The following HAPLN1 variants were observed in gnomAD, a reference collection of about 807,000 sequenced individuals.
HAPLN1 encodes hyaluronan and proteoglycan link protein 1.
A neutral mutation model predicts 36.5 loss-of-function variants in HAPLN1; 13 were observed. That is an observed-to-expected ratio of 0.36 (90% CI 0.23 to 0.57). HAPLN1 has a LOEUF of 0.57. Among genes scored for constraint, HAPLN1 ranks in the 20% least tolerant of loss-of-function variants. The pLI is 0.83. For missense variants in HAPLN1, 407 were observed against 439.7 expected (o/e 0.93, Z 0.66); for synonymous variants, 202 against 169.8 (o/e 1.19, Z -1.48).
chr5:83,684,572 G>A (rs979750823), intron 1 of HAPLN1, among the ~76,000 whole-genome samples: 29 of 152,134 alleles, frequency 1.9e-4, no homozygotes, highest in African/African-American at 6.5e-4. Flanking sequence ...ACAAACAGGA[G>A]ATAGAGAAGA....
At chr5:83,714,314 TA>T (rs1751866429) in intron 1 of HAPLN1, among the ~76,000 whole-genome samples, 1 of 152,098 alleles carries the variant, frequency 6.6e-6, no homozygotes, top group Admixed American at 6.5e-5. Flanking sequence ...ACCAGAACAA[TA>T]GCTTACAAGA....
Position 83,685,050 on chromosome 5 carries a change from T to G in HAPLN1, c.-26-11501A>C, listed in dbSNP as rs1233776946. Among the ~76,000 whole-genome samples the G allele has an allele frequency of 3.3e-5, 5 of 152,208 alleles. No individual in the cohort carries two copies. The East Asian group carries it at 9.6e-4, about 29-fold the overall frequency. The stretch of plus-strand genomic sequence containing the variant: ...ATTCTTTAGTAAGGGCAGATTAACA[T>G]AGCTATTGTTATAAATTCAGTGATC... On this transcript the variant is annotated intron_variant, in intron 1 of 4. Transcript: ENST00000274341.
intron 2 of HAPLN1, among the ~76,000 whole-genome samples, chr5:83,654,794 A>T (rs1274292926): frequency 6.6e-6 from 1 of 152,334 alleles, no homozygotes; most frequent in East Asian, 1.9e-4. Context: ...CTCTAATGTG[A>T]CATAGACCTT....
intron 3 of HAPLN1, among the ~76,000 whole-genome samples, chr5:83,645,207 T>C (rs1449035891): frequency 6.6e-6 from 1 of 152,158 alleles, no homozygotes; most frequent in Non-Finnish European, 1.5e-5. Flanking sequence ...TAGTTTTATG[T>C]AGTCTTTTAA....
chr5:83,641,527 T>A lies in HAPLN1; in HGVS notation c.1034A>T (p.Tyr345Phe), dbSNP rs780764711. ...GTATGCTCTGAAGCAGTAGACACCA[T>A]ACAGCTTATGCTTTTTATCTGGGAA... ...VGFPDKKHKL[Y>F]GVYCFRAYN Residue 345 changes from tyrosine to phenylalanine, a missense_variant, in exon 5 of 5, where the codon TAT becomes TTT. Physicochemically the swap from Tyr to Phe is conservative, Grantham distance 22. Transcript: ENST00000274341. 2.9e-5 allele frequency: 46 copies of A among 1,613,426 alleles called. No homozygotes were observed. In the South Asian group the frequency reaches 4.4e-4, roughly 15 times the overall value.
chr5:83,663,262 T>C (rs1750460428), intron 2 of HAPLN1, among the ~76,000 whole-genome samples: 1 of 152,218 alleles, frequency 6.6e-6, no homozygotes, highest in Non-Finnish European at 1.5e-5. Flanking sequence ...AATACATTTT[T>C]AATGCAAAAA....
intron 1 of HAPLN1, among the ~76,000 whole-genome samples, chr5:83,712,420 T>TA: frequency 6.6e-6 from 1 of 152,204 alleles, no homozygotes; most frequent in South Asian, 2.1e-4. Flanking sequence ...TTAGCTAGAA[T>TA]AAAAAACATG....
intron 2 of HAPLN1, among the ~76,000 whole-genome samples, chr5:83,655,516 G>GT (rs1381368190): frequency 3.1e-5 from 4 of 127,344 alleles, no homozygotes; most frequent in South Asian, 2.4e-4. Context: ...ATTCACTTTG[G>GT]GGTGTGTGTG....
intron 1 of HAPLN1, among the ~76,000 whole-genome samples, chr5:83,689,398 C>G (rs574163772): frequency 1.3e-5 from 2 of 152,128 alleles, no homozygotes; most frequent in African/African-American, 2.4e-5. Context: ...CTATGTTTCC[C>G]TGGAAATATA....
At chr5:83,667,116 A>T (rs886911667) in intron 2 of HAPLN1, among the ~76,000 whole-genome samples, 1 of 152,208 alleles carries the variant, frequency 6.6e-6, no homozygotes, top group Non-Finnish European at 1.5e-5. Flanking sequence ...CTACATAAGC[A>T]CCTAACACAT....
intron 2 of HAPLN1, among the ~76,000 whole-genome samples, chr5:83,657,791 A>G (rs1750262846): frequency 6.6e-6 from 1 of 151,774 alleles, no homozygotes; most frequent in African/African-American, 2.4e-5. Context: ...TGGATTTCCT[A>G]GATCAATAAT....
intron 1 of HAPLN1, among the ~76,000 whole-genome samples, chr5:83,708,720 A>C (rs1751706990): frequency 1.3e-5 from 2 of 152,238 alleles, no homozygotes; most frequent in Admixed American, 6.5e-5. Context: ...AGTTAAAAAA[A>C]AGGATTCTAA....
chr5:83,692,479 A>T (rs72772926), intron 1 of HAPLN1, among the ~76,000 whole-genome samples: 1 of 151,946 alleles, frequency 6.6e-6, no homozygotes, highest in African/African-American at 2.4e-5. Context: ...GTGGAATGAG[A>T]TCTTTAAAGT....
At chr5:83,662,261 A>G (rs944468022) in intron 2 of HAPLN1, among the ~76,000 whole-genome samples, 1 of 152,194 alleles carries the variant, frequency 6.6e-6, no homozygotes, top group Non-Finnish European at 1.5e-5. Context: ...CCAGGTAATG[A>G]ACTTTTTATG....
intron 1 of HAPLN1, chr5:83,675,234 G>A (rs899467682): frequency 6.6e-6 from 1 of 152,132 alleles, no homozygotes; most frequent in Non-Finnish European, 1.5e-5. Context: ...TTGGAATTTG[G>A]AATATAATTG....
chr5:83,643,849 A>G (rs1445258336), intron 4 of HAPLN1, among the ~76,000 whole-genome samples: 2 of 152,234 alleles, frequency 1.3e-5, no homozygotes, highest in Non-Finnish European at 2.9e-5. Flanking sequence ...TGAATCAGTC[A>G]TCAACACTGC....
intron 2 of HAPLN1, among the ~76,000 whole-genome samples, chr5:83,663,957 TG>T (rs1750484429): frequency 6.6e-6 from 1 of 152,148 alleles, no homozygotes; most frequent in South Asian, 2.1e-4. Context: ...ATTATTCACA[TG>T]GTCTTTTATA....
At chr5:83,685,187 T>C (rs998741011) in intron 1 of HAPLN1, among the ~76,000 whole-genome samples, 2 of 152,226 alleles carry the variant, frequency 1.3e-5, no homozygotes, top group African/African-American at 4.8e-5. Flanking sequence ...TGGGATTTGA[T>C]AGCAGAATCC....
intron 1 of HAPLN1, chr5:83,674,885 A>G (rs1750826312): frequency 6.6e-6 from 1 of 152,168 alleles, no homozygotes; most frequent in African/African-American, 2.4e-5. Flanking sequence ...GATTTGCACT[A>G]CTGTGATGCT....
Sources: gnomAD v4.1 joint callset for allele counts (sites outside exome capture counted in the v4.1 genomes callset) on GRCh38, gnomAD v4.1.1 for gene constraint, MANE v1.5 for transcripts, NCBI Gene and HGNC (gene_info 2026-07-23, HGNC 2026-07-21) for gene names.